The following CHN2 variants were observed in gnomAD, a reference collection of about 807,000 sequenced individuals.
CHN2 encodes beta-chimaerin.
CHN2 carries 35 observed loss-of-function variants against 56.3 expected under a neutral mutation model. The ratio of observed to expected loss-of-function variants is 0.62; its 90% confidence interval spans 0.47 to 0.82. The LOEUF (loss-of-function observed/expected upper bound fraction) is 0.82, where lower values mean the gene tolerates loss of function less well. CHN2 is among the 40% of genes least tolerant of loss of function. CHN2 has a pLI of 0.00. For synonymous variants in CHN2, 210 were observed against 212.8 expected (o/e 0.99, Z 0.12); for missense variants, 491 against 580.5 (o/e 0.85, Z 1.58).
intron 1 of CHN2, among the ~76,000 whole-genome samples, chr7:29,278,939 G>T (rs1015699234): frequency 6.6e-6 from 1 of 151,902 alleles, no homozygotes; most frequent in Non-Finnish European, 1.5e-5. Flanking sequence ...GCCTCCCCTT[G>T]CTGCCTCCCC....
At chr7:29,509,224 C>G in intron 11 of CHN2, 77 bp from the exon 12 acceptor site, 1 of 1,109,264 alleles carries the variant, frequency 9.0e-7, no homozygotes, top group South Asian at 1.3e-5. Context: ...CTGGCTAAAA[C>G]AAAAACTTCT....
At chr7:29,211,671 G>A (rs1784970169) in intron 1 of CHN2, among the ~76,000 whole-genome samples, 1 of 152,268 alleles carries the variant, frequency 6.6e-6, no homozygotes, top group Admixed American at 6.5e-5. Flanking sequence ...AATTGGTCCA[G>A]AACTCCAAAG....
chr7:29,159,850 T>C (rs1794939381), intron 2 of CHN2, among the ~76,000 whole-genome samples: 1 of 152,202 alleles, frequency 6.6e-6, no homozygotes, highest in Non-Finnish European at 1.5e-5. Flanking sequence ...TTGTCTCAAC[T>C]AGTGTAATGC....
At chr7:29,267,825 A>G (rs1790273382) in intron 1 of CHN2, among the ~76,000 whole-genome samples, 1 of 152,184 alleles carries the variant, frequency 6.6e-6, no homozygotes, top group Non-Finnish European at 1.5e-5. Flanking sequence ...TACATGAGCT[A>G]GGATCATTCA....
At chr7:29,432,538 TCTATA>T (rs149003839) in intron 6 of CHN2, among the ~76,000 whole-genome samples, 29 of 152,310 alleles carry the variant, frequency 1.9e-4, no homozygotes, top group African/African-American at 6.7e-4. Context: ...AACTCAGGAA[TCTATA>T]CTATACTCGC....
intron 6 of CHN2, among the ~76,000 whole-genome samples, chr7:29,446,970 A>G (rs1355782337): frequency 6.6e-6 from 1 of 152,206 alleles, no homozygotes; most frequent in Non-Finnish European, 1.5e-5. Flanking sequence ...CACAAAAGCA[A>G]GACACAAAAG....
intron 7 of CHN2, among the ~76,000 whole-genome samples, chr7:29,492,055 G>A (rs765643850): frequency 6.6e-6 from 1 of 152,144 alleles, no homozygotes; most frequent in South Asian, 2.1e-4. Flanking sequence ...ATTTCTTCAA[G>A]TGATCATCTG....
At chr7:29,300,284 G>C (rs1793558083) in intron 1 of CHN2, among the ~76,000 whole-genome samples, 1 of 152,184 alleles carries the variant, frequency 6.6e-6, no homozygotes, top group Admixed American at 6.5e-5. Context: ...GAAGCCTTCA[G>C]GGCATTTCAG....
intron 1 of CHN2, among the ~76,000 whole-genome samples, chr7:29,345,714 A>G (rs566275065): frequency 6.6e-6 from 1 of 152,212 alleles, no homozygotes; most frequent in South Asian, 2.1e-4. Flanking sequence ...CATTTATCCA[A>G]TAAGTACCTG....
chr7:29,195,198 G>A, intron 1 of CHN2: 1 of 498,136 alleles, frequency 2.0e-6, no homozygotes, highest in Non-Finnish European at 3.5e-6. Context: ...GCGCAGAGGT[G>A]GGAGAGCGGT....
chr7:29,309,567 G>A (rs1183100810), intron 1 of CHN2, among the ~76,000 whole-genome samples: 2 of 152,152 alleles, frequency 1.3e-5, no homozygotes, highest in Non-Finnish European at 2.9e-5. Flanking sequence ...TGTCCTTTCT[G>A]GCTTAGCATG....
intron 1 of CHN2, chr7:29,212,570 G>T: frequency 6.9e-6 from 10 of 1,444,172 alleles, no homozygotes; most frequent in Non-Finnish European, 9.7e-6. Flanking sequence ...GGGAGACGAG[G>T]TCCCAGTCAA....
intron 6 of CHN2, among the ~76,000 whole-genome samples, chr7:29,454,229 G>A (rs1396940774): frequency 6.7e-6 from 1 of 148,212 alleles, no homozygotes; most frequent in Non-Finnish European, 1.5e-5. Flanking sequence ...GTACAGGGGA[G>A]CAGAGATGTG....
At chr7:29,295,127 A>G (rs1009554233) in intron 1 of CHN2, among the ~76,000 whole-genome samples, 41 of 152,242 alleles carry the variant, frequency 2.7e-4, no homozygotes, top group Non-Finnish European at 5.4e-4. Context: ...AATACAATGT[A>G]AATGCTATGT....
upstream of CHN2, chr7:29,193,769 T>A (rs531823175): frequency 6.6e-6 from 1 of 152,230 alleles, no homozygotes; most frequent in East Asian, 1.9e-4. Flanking sequence ...TGCCAAGTCT[T>A]AAGTCTTTTG....
At chr7:29,365,296 A>G (rs1400505770) in intron 2 of CHN2, among the ~76,000 whole-genome samples, 1 of 152,236 alleles carries the variant, frequency 6.6e-6, no homozygotes, top group Non-Finnish European at 1.5e-5. Context: ...TTATATCCAT[A>G]GCACCTCAGC....
At chr7:29,476,486 G>C (rs566572413) in intron 6 of CHN2, among the ~76,000 whole-genome samples, 1 of 150,670 alleles carries the variant, frequency 6.6e-6, no homozygotes, top group Non-Finnish European at 1.5e-5. Flanking sequence ...GCAGTGAGCC[G>C]AGATCGCGCC....
At chr7:29,187,236 T>C (rs886292825) in intron 2 of CHN2, among the ~76,000 whole-genome samples, 1 of 152,146 alleles carries the variant, frequency 6.6e-6, no homozygotes, top group Non-Finnish European at 1.5e-5. Flanking sequence ...GTCTATACTT[T>C]TATTGAAATC....
At chr7:29,279,884 T>C (rs1001175192) in intron 1 of CHN2, among the ~76,000 whole-genome samples, 3 of 152,148 alleles carry the variant, frequency 2.0e-5, no homozygotes, top group African/African-American at 4.8e-5. Context: ...GCAAAATGAT[T>C]CTAGCAGCAG....
Sources: gnomAD v4.1 joint callset for allele counts (sites outside exome capture counted in the v4.1 genomes callset) on GRCh38, gnomAD v4.1.1 for gene constraint, MANE v1.5 for transcripts, NCBI Gene and HGNC (gene_info 2026-07-23, HGNC 2026-07-21) for gene names.